The following KLF12 variants were observed in gnomAD, a reference collection of about 807,000 sequenced individuals.
The protein encoded by KLF12 is KLF transcription factor 12, also known as Krueppel-like factor 12.
A neutral mutation model predicts 37.8 loss-of-function variants in KLF12; 9 were observed. The observed-to-expected ratio is 0.24, with a 90% CI of 0.14 to 0.42. The LOEUF is 0.42. Ranked by LOEUF, KLF12 falls within the 10% of genes least tolerant of loss-of-function variation. KLF12 has a pLI of 1.00. For missense variants in KLF12, 411 were observed against 516.0 expected (o/e 0.80, Z 1.97); for synonymous variants, 208 against 202.1 (o/e 1.03, Z -0.25).
At chr13:74,035,727 C>A (rs771270134) in intron 1 of KLF12, among the ~76,000 whole-genome samples, 6 of 151,992 alleles carry the variant, frequency 3.9e-5, no homozygotes, top group Non-Finnish European at 5.9e-5. Flanking sequence ...GATCTGCTGT[C>A]ATTTCATATC....
At chr13:73,752,262 C>T (rs2137978965) in intron 6 of KLF12, among the ~76,000 whole-genome samples, 1 of 152,256 alleles carries the variant, frequency 6.6e-6, no homozygotes, top group South Asian at 2.1e-4. Context: ...GGATTACAGG[C>T]ATGAGCCATC....
chr13:74,245,549 A>T, the KLF12 span, among the ~76,000 whole-genome samples: 3 of 152,206 alleles, frequency 2.0e-5, no homozygotes, highest in African/African-American at 7.2e-5. Flanking sequence ...GAAACCTCCT[A>T]ACAGATTTTC....
the KLF12 span, among the ~76,000 whole-genome samples, chr13:74,175,382 C>A: frequency 6.6e-6 from 1 of 152,184 alleles, no homozygotes; most frequent in Non-Finnish European, 1.5e-5. Context: ...TGGAAATGTA[C>A]TATCCAAACT....
At chr13:74,063,287 G>A (rs566550212) in intron 1 of KLF12, among the ~76,000 whole-genome samples, 20 of 152,282 alleles carry the variant, frequency 1.3e-4, no homozygotes, top group Non-Finnish European at 1.5e-5. Context: ...CTTTCTGGGA[G>A]TCAATTCAGC....
the KLF12 span, among the ~76,000 whole-genome samples, chr13:74,261,228 C>T: frequency 1.3e-5 from 2 of 151,926 alleles, no homozygotes; most frequent in African/African-American, 4.8e-5. Context: ...CAATAATCAC[C>T]CAAAGAAAAC....
intron 1 of KLF12, among the ~76,000 whole-genome samples, chr13:74,132,121 T>C (rs1878292092): frequency 6.6e-6 from 1 of 152,196 alleles, no homozygotes; most frequent in Non-Finnish European, 1.5e-5. Context: ...CAAGCTTTTT[T>C]CCTTGAGGGA....
At position 73,725,880 on chromosome 13, in the gene KLF12, T is replaced by G. The variant is rs1470573952; in HGVS notation, c.870-10355A>C. On this transcript the variant is annotated intron_variant, in intron 6 of 7. Coordinates refer to ENST00000377669, the MANE Select transcript of KLF12 (RefSeq NM_007249.5). ...ATTTATTTATTTATTTATTTATTTA[T>G]TTTTTGAGATGGAGTTTCACTCTTG... 2.9e-5 allele frequency among the ~76,000 whole-genome samples: 4 copies of G among 138,706 alleles called. No individual in the cohort carries two copies. In the East Asian group the frequency reaches 8.5e-4, roughly 30 times the overall value. The allele number at this position is 138,706 out of a possible 152,430, so 91.0% of individuals were successfully genotyped here.
At chr13:74,241,415 C>G in the KLF12 span, among the ~76,000 whole-genome samples, 1 of 152,156 alleles carries the variant, frequency 6.6e-6, no homozygotes, top group Non-Finnish European at 1.5e-5. Flanking sequence ...GTGCCCTGCC[C>G]CCAGAGGTGG....
the KLF12 span, among the ~76,000 whole-genome samples, chr13:74,158,868 A>G: frequency 6.6e-6 from 1 of 152,196 alleles, no homozygotes; most frequent in Non-Finnish European, 1.5e-5. Context: ...TAGAGAAAAA[A>G]TGAACTAGTA....
intron 3 of KLF12, among the ~76,000 whole-genome samples, chr13:73,883,103 CAAT>C (rs1887058131): frequency 2.0e-5 from 3 of 152,102 alleles, no homozygotes; most frequent in Admixed American, 2.0e-4. Context: ...TCATTAAAAT[CAAT>C]ATTATATTGT....
intron 2 of KLF12, among the ~76,000 whole-genome samples, chr13:73,958,852 A>G (rs1485955313): frequency 6.6e-6 from 1 of 150,564 alleles, no homozygotes; most frequent in African/African-American, 2.4e-5. Context: ...TCCTTAGCGT[A>G]TGAGTCAGTC....
chr13:73,926,473 A>G (rs569928637), intron 3 of KLF12, among the ~76,000 whole-genome samples: 53 of 152,336 alleles, frequency 3.5e-4, no homozygotes, highest in African/African-American at 1.3e-3. Flanking sequence ...GAGCATAAAC[A>G]TAAGTTTAAT....
intron 5 of KLF12, among the ~76,000 whole-genome samples, chr13:73,805,672 G>C (rs1456342935): frequency 8.4e-6 from 1 of 118,792 alleles, no homozygotes; most frequent in Non-Finnish European, 1.8e-5. Context: ...AAGGAAGGAA[G>C]GAAGGAAGGA....
At chr13:73,902,467 T>C (rs1888085354) in intron 3 of KLF12, among the ~76,000 whole-genome samples, 1 of 152,158 alleles carries the variant, frequency 6.6e-6, no homozygotes, top group Non-Finnish European at 1.5e-5. Context: ...GATACCAAGC[T>C]TAGGAAGATT....
chr13:74,140,375 A>G, the KLF12 span, among the ~76,000 whole-genome samples: 3 of 152,220 alleles, frequency 2.0e-5, no homozygotes, highest in African/African-American at 4.8e-5. Context: ...ATAAAAAAAA[A>G]TAAGCTGGAA....
chr13:74,209,149 G>T, the KLF12 span, among the ~76,000 whole-genome samples: 1 of 151,586 alleles, frequency 6.6e-6, no homozygotes, highest in Non-Finnish European at 1.5e-5. Context: ...GTGTTCCATA[G>T]CCAAGGATAA....
At chr13:73,719,431 A>AAG (rs935921258) in intron 6 of KLF12, among the ~76,000 whole-genome samples, 1 of 151,796 alleles carries the variant, frequency 6.6e-6, no homozygotes. Flanking sequence ...TTCAAAAAAA[A>AAG]AAAAAAGTTT....
chr13:74,082,176 A>AAAAAAAAAAAAAAC (rs1370632380), intron 1 of KLF12, among the ~76,000 whole-genome samples: 2 of 150,800 alleles, frequency 1.3e-5, no homozygotes, highest in East Asian at 3.9e-4. Flanking sequence ...AAAAAAAAAA[A>AAAAAAAAAAAAAAC]AACAAAGTTA....
At chr13:74,260,942 A>G in the KLF12 span, among the ~76,000 whole-genome samples, 32 of 152,200 alleles carry the variant, frequency 2.1e-4, no homozygotes, top group Non-Finnish European at 4.3e-4. Context: ...TTTGAAAACA[A>G]AGAAGTTCAT....
Sources: gnomAD v4.1 joint callset for allele counts (sites outside exome capture counted in the v4.1 genomes callset) on GRCh38, gnomAD v4.1.1 for gene constraint, MANE v1.5 for transcripts, NCBI Gene and HGNC (gene_info 2026-07-23, HGNC 2026-07-21) for gene names.